The following PARP12 variants were observed in gnomAD, a reference collection of about 807,000 sequenced individuals.
PARP12 encodes the protein poly(ADP-ribose) polymerase family member 12.
In PARP12, 59 loss-of-function variants were observed where a neutral mutation model predicts 72.4. The observed-to-expected ratio is 0.81, with a 90% CI of 0.66 to 1.01. The LOEUF (loss-of-function observed/expected upper bound fraction) is 1.01, where lower values mean the gene tolerates loss of function less well. Ranked by LOEUF, PARP12 falls within the 50% of genes least tolerant of loss-of-function variation. PARP12 has a pLI of 0.00. For synonymous variants in PARP12, 403 were observed against 371.4 expected (o/e 1.09, Z -0.98); for missense variants, 851 against 914.0 (o/e 0.93, Z 0.89).
At chr7:140,036,309 T>G (rs1430236446) in intron 7 of PARP12, among the ~76,000 whole-genome samples, 1 of 152,232 alleles carries the variant, frequency 6.6e-6, no homozygotes, top group East Asian at 1.9e-4. Context: ...GTCAGATGTA[T>G]GCTTGCCACA....
At chr7:140,061,850 G>A (rs1283700285) in intron 1 of PARP12, among the ~76,000 whole-genome samples, 3 of 151,742 alleles carry the variant, frequency 2.0e-5, no homozygotes, top group African/African-American at 7.3e-5. Context: ...AGTAAGGGGA[G>A]GAAAAATCCT....
chr7:140,039,554 G>A (rs1483142264), intron 6 of PARP12, among the ~76,000 whole-genome samples: 1 of 152,220 alleles, frequency 6.6e-6, no homozygotes, highest in Non-Finnish European at 1.5e-5. Context: ...GATGTGGAAG[G>A]AATGACAGAT....
At chr7:140,038,978 G>A (rs903807919) in intron 6 of PARP12, among the ~76,000 whole-genome samples, 23 of 152,224 alleles carry the variant, frequency 1.5e-4, no homozygotes, top group African/African-American at 5.3e-4. Flanking sequence ...AAGGAAGGGT[G>A]AGACCCAGCA....
chr7:140,054,963 G>A (rs1481543527), intron 3 of PARP12, among the ~76,000 whole-genome samples, 200 bp from the exon 4 acceptor site: 2 of 152,212 alleles, frequency 1.3e-5, no homozygotes, highest in Non-Finnish European at 2.9e-5. Context: ...CCACATGGCT[G>A]CTTGCCAGAT....
chr7:140,029,051 G>A (rs1053033262), intron 8 of PARP12: 3 of 155,322 alleles, frequency 1.9e-5, no homozygotes, highest in Non-Finnish European at 2.8e-5. Context: ...TTAAGGCCTC[G>A]ATGAGGTATA....
At chr7:140,052,241 T>A (rs955662743) in intron 4 of PARP12, among the ~76,000 whole-genome samples, 7 of 152,244 alleles carry the variant, frequency 4.6e-5, no homozygotes, top group African/African-American at 1.7e-4. Context: ...TAATTTTTAA[T>A]TTTTCTGGCA....
intron 5 of PARP12, among the ~76,000 whole-genome samples, chr7:140,043,080 G>C (rs1253706347): frequency 2.6e-5 from 4 of 152,152 alleles, no homozygotes; most frequent in African/African-American, 9.7e-5. Flanking sequence ...TGTAGTCCCA[G>C]CTACTCAGGA....
chr7:140,052,956 G>T (rs1051912240), intron 4 of PARP12, among the ~76,000 whole-genome samples: 1 of 152,102 alleles, frequency 6.6e-6, no homozygotes, highest in African/African-American at 2.4e-5. Flanking sequence ...AATGCCAAGT[G>T]TTAGCAAGAA....
intron 5 of PARP12, 144 bp downstream of exon 5, chr7:140,046,740 G>GTC: frequency 2.4e-6 from 2 of 831,790 alleles, no homozygotes; most frequent in Non-Finnish European, 3.7e-6. Flanking sequence ...GTGTGTGTGT[G>GTC]TGTGTGTGTG....
chr7:140,038,482 T>C (rs1308160343), intron 6 of PARP12, among the ~76,000 whole-genome samples: 1 of 152,126 alleles, frequency 6.6e-6, no homozygotes, highest in Non-Finnish European at 1.5e-5. Context: ...CTCCGTTATC[T>C]CAAGCTTATA....
intron 8 of PARP12, among the ~76,000 whole-genome samples, chr7:140,032,477 A>G (rs916340806): frequency 1.4e-4 from 21 of 152,272 alleles, no homozygotes; most frequent in African/African-American, 4.6e-4. Flanking sequence ...GCACCTGGCC[A>G]TACCTCCAAA....
At chr7:140,032,816 C>G (rs1480811900) in intron 8 of PARP12, among the ~76,000 whole-genome samples, 1 of 151,950 alleles carries the variant, frequency 6.6e-6, no homozygotes, top group Non-Finnish European at 1.5e-5. Flanking sequence ...AAAAGAGAAA[C>G]CGGAAACTAA....
At position 140,024,559 on chromosome 7, in the gene PARP12, C is replaced by T. The variant is rs369904359; in HGVS notation, c.*1G>A. On this transcript the variant is annotated 3_prime_UTR_variant, in exon 12 of 12. Coordinates refer to ENST00000263549, the MANE Select transcript of PARP12 (RefSeq NM_022750.4). Reference sequence around the variant, plus strand: ...GAAAGGCCTGGAACACTCCTGTGCGCTCACTGTCGGCTGCTGAACAGGGAG... The same window carrying T: ...GAAAGGCCTGGAACACTCCTGTGCGTTCACTGTCGGCTGCTGAACAGGGAG... The T allele has an allele frequency of 8.7e-6, 14 of 1,614,114 alleles. No individual in the cohort carries two copies. The African/African-American group carries it at 1.9e-4, about 22-fold the overall frequency.
chr7:140,024,710 C>G lies in PARP12; in HGVS notation c.1956G>C (p.Val652=). 6.2e-7 allele frequency: 1 copy of G among 1,614,170 alleles called. No homozygotes were observed. Among genetic ancestry groups the G allele is most frequent in the Non-Finnish European group, 8.5e-7 (1 of 1,180,046 alleles). ...AGATGGAGGGGTCGGACACACTGTT[C>G]ACGCAGCTATCATAGAAGGCGTTGC... ...GWSNAFYDSC[V]NSVSDPSIFV... Residue 652 remains valine, a synonymous_variant, in exon 12 of 12, where the codon GTG becomes GTC. Transcript: ENST00000263549.
chr7:140,033,810 TAG>T, intron 8 of PARP12: 1 of 987,302 alleles, frequency 1.0e-6, no homozygotes, highest in Non-Finnish European at 1.2e-6. Context: ...TATCTGTTTT[TAG>T]AGTTTTGGTA....
Position 140,024,860 on chromosome 7 carries a change from T to C in PARP12, c.1806A>G (p.Ala602=). ...GKGSYFARDA[A]YSHHYSKSDT... Reference sequence around the variant, plus strand: ...CGGATTTGCTGTAGTGGTGGGAATATGCAGCATCTCGGGCAAAGTAGCTCC... The same window carrying C: ...CGGATTTGCTGTAGTGGTGGGAATACGCAGCATCTCGGGCAAAGTAGCTCC... Residue 602 remains alanine, a synonymous_variant, in exon 12 of 12, where the codon GCA becomes GCG. Coordinates refer to ENST00000263549, the MANE Select transcript of PARP12 (RefSeq NM_022750.4). 1.7e-5 allele frequency: 27 copies of C among 1,613,654 alleles called. No individual in the cohort carries two copies. Among genetic ancestry groups the C allele is most frequent in the East Asian group, 2.2e-5 (1 of 44,868 alleles).
chr7:140,049,296 T>C (rs896482126), intron 4 of PARP12, among the ~76,000 whole-genome samples: 1 of 152,132 alleles, frequency 6.6e-6, no homozygotes, highest in Non-Finnish European at 1.5e-5. Flanking sequence ...GGACTGAAGA[T>C]CTCCTAACTT....
rs532711982 is a variant in PARP12, at chr7:140,030,508, G to A, written c.1422-1820C>T. 1.1e-3 allele frequency among the ~76,000 whole-genome samples: 162 copies of A among 152,358 alleles called. 1 individual carries two copies. The highest frequency in any genetic ancestry group is 3.7e-3 in the African/African-American group (154 of 41,590). On this transcript the variant is annotated intron_variant, in intron 8 of 11. Coordinates refer to ENST00000263549, the MANE Select transcript of PARP12 (RefSeq NM_022750.4). Reference sequence around the variant, plus strand: ...AGCTACTCAGGAGGCTGAGACAGGAGAATCGCTTGAACTCAAGAGGCGGAG... The same window carrying A: ...AGCTACTCAGGAGGCTGAGACAGGAAAATCGCTTGAACTCAAGAGGCGGAG...
Position 140,056,909 on chromosome 7 carries a change from T to C in PARP12, c.707A>G (p.Lys236Arg). ...IYRNAHDIKNKSSAPSRVPPL... is the reference protein window; with the variant it reads ...IYRNAHDIKNRSSAPSRVPPL... ...AGGCACTCTGCTGGGGGCAGAGCTC[T>C]TATTCTTGATGTCATGTGCATTTCT... Residue 236 changes from lysine to arginine, a missense_variant, in exon 3 of 12, where the codon AAG (lysine) becomes AGG (arginine). By Grantham distance (26) the Lys-to-Arg change is conservative. Around this residue, in one of 3 missense-constraint regions of PARP12, gnomAD observed 492 missense variants for 489.3 expected, o/e 1.01. Transcript: ENST00000263549. The C allele has an allele frequency of 6.2e-7, 1 of 1,613,536 alleles. No homozygotes were observed. The highest frequency in any genetic ancestry group is 8.5e-7 in the Non-Finnish European group (1 of 1,180,002).
Sources: allele counts gnomAD v4.1 joint callset (sites outside exome capture counted in the v4.1 genomes callset), GRCh38; gene constraint gnomAD v4.1.1; regional missense constraint gnomAD v4.1.1; transcripts MANE v1.5; gene names NCBI Gene and HGNC (gene_info 2026-07-23, HGNC 2026-07-21).